The following CCR6 variants were observed in gnomAD, a reference collection of about 807,000 sequenced individuals.
CCR6 encodes C-C motif chemokine receptor 6, also known as C-C chemokine receptor type 6.
In CCR6, 2 loss-of-function variants were observed where a neutral mutation model predicts 3.0. The observed-to-expected ratio is 0.66, with a 90% CI of 0.27 to 2.07. The LOEUF (loss-of-function observed/expected upper bound fraction) is 2.07, where lower values mean the gene tolerates loss of function less well. CCR6 is among the 30% of genes most tolerant of loss of function. The pLI, the probability that CCR6 is intolerant of heterozygous loss-of-function variation, is 0.14. For synonymous variants in CCR6, 193 were observed against 184.3 expected, an observed-to-expected ratio of 1.05 and a Z score of -0.38; for missense variants, 322 against 462.8, an observed-to-expected ratio of 0.70 and a Z score of 2.79.
intron 1 of CCR6, among the ~76,000 whole-genome samples, chr6:167,112,972 G>A (rs926580506): frequency 2.6e-5 from 4 of 151,874 alleles, no homozygotes; most frequent in Non-Finnish European, 5.9e-5. Context: ...TGTGTTGTGG[G>A]TGAATGCATT....
chr6:167,124,793 A>ATG (rs1554281767), intron 1 of CCR6, among the ~76,000 whole-genome samples: 10,623 of 115,244 alleles, frequency 0.092, 639 homozygotes, highest in African/African-American at 0.21. Context: ...TTTACAGCAT[A>ATG]TGCGCGCACA....
In CCR6 at chr6:167,136,512, C is replaced by T; in HGVS notation, c.282C>T (p.Leu94=). ...YLLNMAIADI[L]FVLTLPFWAV... ...TGAACATGGCCATTGCAGACATCCT[C>T]TTTGTTCTTACTCTCCCATTCTGGG... Residue 94 remains leucine (L), a synonymous_variant, in exon 3 of 3, where the codon CTC becomes CTT. Transcript: ENST00000341935. This position sits in a 1 kb window ranked among gnomAD's most constrained non-coding sequence, Gnocchi z 4.6. The T allele has an allele frequency of 1.3e-6, 2 of 1,590,204 alleles. No homozygotes were observed. Among genetic ancestry groups the T allele is most frequent in the Non-Finnish European group, 1.7e-6 (2 of 1,167,404 alleles).
At chr6:167,129,837 G>C (rs1441229058) in intron 1 of CCR6, among the ~76,000 whole-genome samples, 1 of 151,666 alleles carries the variant, frequency 6.6e-6, no homozygotes, top group African/African-American at 2.4e-5. Context: ...GTGACAATGA[G>C]TTACTGAGAC....
Position 167,137,126 on chromosome 6 carries a change from C to A in CCR6, c.896C>A (p.Thr299Asn), listed in dbSNP as rs1781862007. The change falls in exon 3 of 3, where the codon ACT becomes AAT. Residue 299 changes from threonine to asparagine, a missense_variant. Coordinates refer to ENST00000341935, the MANE Select transcript of CCR6 (RefSeq NM_031409.4). This position sits in a 1 kb window ranked among gnomAD's most constrained non-coding sequence, Gnocchi z 4.6. ...QSEKLIGYTK[T>N]VTEVLAFLHC... is the part of the protein sequence containing the mutation. ...GAAAAGCTAATTGGCTATACGAAAA[C>A]TGTCACAGAAGTCCTGGCTTTCCTG... The A allele has an allele frequency of 1.2e-6, 2 of 1,614,014 alleles. No individual in the cohort carries two copies. Among genetic ancestry groups the A allele is most frequent in the African/African-American group, 2.7e-5 (2 of 74,894 alleles).
upstream of CCR6, among the ~76,000 whole-genome samples, chr6:167,119,574 A>G (rs1854853): frequency 0.48 from 72,908 of 152,116 alleles, 18,115 homozygotes; most frequent in Admixed American, 0.59. Context: ...TATGGGGTAG[A>G]ATAACACAGA....
rs761667128 is a variant in CCR6 at position 167,136,130 on chromosome 6, C to T, written c.-5C>T. 1.2e-6 allele frequency: 2 copies of T among 1,613,338 alleles called. No homozygotes were observed. The highest frequency in any genetic ancestry group is 1.7e-6 in the Non-Finnish European group (2 of 1,179,824). ...TACAACCAGCTTGCATTTTTTCTGC[C>T]CACAATGAGCGGGGTAAGATTTTTA... On this transcript the variant is annotated 5_prime_UTR_variant, in exon 2 of 3. Coordinates refer to ENST00000341935, the MANE Select transcript of CCR6 (RefSeq NM_031409.4). The surrounding 1 kb of genome is among the most constrained non-coding windows in gnomAD (Gnocchi z 4.6).
At position 167,136,992 on chromosome 6, in the gene CCR6, T is replaced by A; in HGVS notation, c.762T>A (p.Arg254=). Residue 254 remains arginine, a synonymous_variant, in exon 3 of 3, where the codon CGT becomes CGA. Transcript: ENST00000341935. The surrounding 1 kb of genome is among the most constrained non-coding windows in gnomAD (Gnocchi z 4.6). The part of the protein sequence containing the change: ...AQNSKRHKAI[R]VIIAVVLVFL... ...ATTCTAAAAGGCACAAAGCCATCCG[T>A]GTAATCATAGCTGTGGTGCTTGTGT... is the stretch of plus-strand genomic sequence containing the variant. The A allele has an allele frequency of 6.2e-7, 1 of 1,614,230 alleles. No individual in the cohort carries two copies.
chr6:167,130,940 G>T (rs528028412), intron 1 of CCR6, among the ~76,000 whole-genome samples: 1 of 146,380 alleles, frequency 6.8e-6, no homozygotes, highest in Non-Finnish European at 1.5e-5. Flanking sequence ...CCACCCTCTG[G>T]GCCCCCCTCC....
At chr6:167,134,871 T>C (rs1482728842) in intron 1 of CCR6, 3 of 152,274 alleles carry the variant, frequency 2.0e-5, no homozygotes, top group Non-Finnish European at 4.4e-5. Context: ...AACAGGATGA[T>C]GGACAATGCT....
At chr6:167,133,619 C>T (rs1337413451) in intron 1 of CCR6, among the ~76,000 whole-genome samples, 2 of 149,232 alleles carry the variant, frequency 1.3e-5, no homozygotes, top group Non-Finnish European at 3.0e-5. Context: ...TTGGAATTGA[C>T]TTGTCAATTT....
At chr6:167,129,913 C>T (rs1019601853) in intron 1 of CCR6, among the ~76,000 whole-genome samples, 6 of 151,614 alleles carry the variant, frequency 4.0e-5, no homozygotes, top group Admixed American at 2.0e-4. Flanking sequence ...ACTGCAAAAC[C>T]GAATTGAGTC....
upstream of CCR6, among the ~76,000 whole-genome samples, chr6:167,120,331 G>T (rs948232657): frequency 6.6e-6 from 1 of 152,178 alleles, no homozygotes; most frequent in African/African-American, 2.4e-5. Context: ...CTTCCTCAAA[G>T]TTTATACAGA....
rs1007251037 is a variant in CCR6, at chr6:167,137,048, T to C, written c.818T>C (p.Val273Ala). The C allele has an allele frequency of 1.4e-5, 23 of 1,614,198 alleles. No homozygotes were observed. The highest frequency in any genetic ancestry group is 1.8e-5 in the Non-Finnish European group (21 of 1,180,044). ...GCTTGTCAGATTCCTCATAACATGG[T>C]CCTGCTTGTGACGGCTGCAAATTTG... ...FLACQIPHNM[V>A]LLVTAANLGK... Residue 273 changes from valine to alanine, a missense_variant, in exon 3 of 3, where the codon GTC (valine) becomes GCC (alanine). Coordinates refer to ENST00000341935, the MANE Select transcript of CCR6 (RefSeq NM_031409.4). This position sits in a 1 kb window ranked among gnomAD's most constrained non-coding sequence, Gnocchi z 4.6.
chr6:167,117,723 CT>C (rs1781523331), intron 1 of CCR6, among the ~76,000 whole-genome samples: 1 of 152,088 alleles, frequency 6.6e-6, no homozygotes, highest in South Asian at 2.1e-4. Context: ...CCTCTATTTT[CT>C]TTTTTGAGTC....
intron 1 of CCR6, among the ~76,000 whole-genome samples, chr6:167,126,859 G>T (rs914939767): frequency 7.2e-5 from 11 of 152,154 alleles, no homozygotes; most frequent in Admixed American, 5.9e-4. Flanking sequence ...TTCCCTCTTC[G>T]CTGGGCACTC....
At chr6:167,123,056 C>G (rs1340477902), upstream of CCR6, 3 of 152,782 alleles carry the variant, frequency 2.0e-5, no homozygotes, top group Non-Finnish European at 1.5e-5. Flanking sequence ...TAGGAAGTGG[C>G]AATCCAGAAC....
upstream of CCR6, among the ~76,000 whole-genome samples, chr6:167,118,517 A>C (rs1198277801): frequency 6.6e-6 from 1 of 152,166 alleles, no homozygotes; most frequent in Non-Finnish European, 1.5e-5. Flanking sequence ...ATAAATTAGT[A>C]AATAAAAAGT....
rs535691213 is a variant in CCR6 at position 167,129,280 on chromosome 6, C to T, written c.-98+6057C>T. Among the ~76,000 whole-genome samples the T allele has an allele frequency of 6.6e-5, 10 of 152,242 alleles. No homozygotes were observed. The South Asian group carries it at 1.9e-3, about 28-fold the overall frequency. ...CGTAAGTGTTCAATGTCTGTAACAC[C>T]TCCCTGATCTGCAGTTTATTGACTG... On this transcript the variant is annotated intron_variant, in intron 1 of 2. Transcript: ENST00000341935.
chr6:167,128,044 A>G (rs758073145), intron 1 of CCR6, among the ~76,000 whole-genome samples: 21 of 152,150 alleles, frequency 1.4e-4, no homozygotes, highest in Non-Finnish European at 2.8e-4. Flanking sequence ...GCAACAATAC[A>G]TTGAATCTCT....
Sources: allele counts gnomAD v4.1 joint callset (sites outside exome capture counted in the v4.1 genomes callset), GRCh38; gene constraint gnomAD v4.1.1; non-coding constraint Gnocchi (gnomAD v3.1); transcripts MANE v1.5; gene names NCBI Gene and HGNC (gene_info 2026-07-23, HGNC 2026-07-21).